Variants in TNRC18 observed in about 807,000 individuals in gnomAD.
The protein encoded by TNRC18 is trinucleotide repeat containing 18, also known as trinucleotide repeat-containing gene 18 protein.
TNRC18 carries 69 observed loss-of-function variants against 226.7 expected under a neutral mutation model. The observed-to-expected ratio is 0.30, with a 90% confidence interval of 0.25 to 0.37. TNRC18 has a LOEUF of 0.37. Among genes scored for constraint, TNRC18 ranks in the 10% least tolerant of loss-of-function variants. The probability of loss-of-function intolerance (pLI) is 1.00; values close to 1 mark genes in which losing one functional copy is unlikely to be tolerated. For synonymous variants in TNRC18, 2,449 were observed against 1,927.6 expected (o/e 1.27, Z -7.09); for missense variants, 4,754 against 4,256.6 (o/e 1.12, Z -3.25).
At position 5,389,135 on chromosome 7, in the gene TNRC18, T is replaced by C; in HGVS notation, c.689A>G (p.Glu230Gly). The change falls in exon 5 of 30, where the codon GAG becomes GGG. Residue 230 changes from glutamate (E) to glycine (G), a missense_variant. Transcript: ENST00000430969. ...FGKKDPRARG[E>G]EASGPRGVVD... ...CACGCCCCGTGGCCCCGAGGCCTCCTCGCCCCGGGCGCGCGGGTCCTTCTT... is the reference window on the plus strand; with the variant it reads ...CACGCCCCGTGGCCCCGAGGCCTCCCCGCCCCGGGCGCGCGGGTCCTTCTT... 7.6e-7 allele frequency: 1 copy of C among 1,318,676 alleles called. No individual in the cohort carries two copies. The highest frequency in any genetic ancestry group is 1.7e-5 in the South Asian group (1 of 58,930). 81.7% of individuals were successfully genotyped at this position (1,318,676 alleles called of 1,614,324 possible).
chr7:5,333,500 C>G (rs1789776008), intron 18 of TNRC18, among the ~76,000 whole-genome samples: 2 of 152,194 alleles, frequency 1.3e-5, no homozygotes. Context: ...TGGGTGGTCC[C>G]AGGAATCGTC....
At position 5,361,777 on chromosome 7, in the gene TNRC18, G is replaced by A. The variant is rs1562549067; in HGVS notation, c.4533-55C>T. On this transcript the variant is annotated intron_variant, in intron 13 of 29. Transcript: ENST00000430969. Reference sequence around the variant, plus strand: ...CGCTGGGGGGCGGGCGGGGCGCGGAGAACGGGCACACGATGCACACACGGC... The same window carrying A: ...CGCTGGGGGGCGGGCGGGGCGCGGAAAACGGGCACACGATGCACACACGGC... 10 of 1,543,358 alleles carry A rather than the reference G, an allele frequency of 6.5e-6. No individual in the cohort carries two copies. The South Asian group carries it at 1.1e-4, about 17-fold the overall frequency.
At position 5,388,120 on chromosome 7, in the gene TNRC18, C is replaced by G. The variant is rs748930954; in HGVS notation, c.1704G>C (p.Pro568=). Residue 568 remains proline (P), a synonymous_variant, in exon 5 of 30, where the codon CCG becomes CCC. Transcript: ENST00000430969. ...GGGCCGCAGAGTGCATGTCAGCGAC[C>G]GGCCGGCCGCAGGTGGCCGCCGAGC... The part of the protein sequence containing the change: ...LPRSAATCGR[P]VADMHSAAHG... The G allele has an allele frequency of 2.6e-6, 4 of 1,552,716 alleles. No individual in the cohort carries two copies. In the Admixed American group the frequency reaches 7.8e-5, roughly 30 times the overall value.
intron 13 of TNRC18, 60 bp from the exon 14 acceptor site, chr7:5,361,782 G>GCACACGATGC: frequency 6.5e-7 from 1 of 1,540,146 alleles, no homozygotes; most frequent in Admixed American, 2.0e-5. Flanking sequence ...GCGGAGAACG[G>GCACACGATGC]GCACACGATG....
rs996698106 is a variant in TNRC18, at chr7:5,387,973, G to A, written c.1851C>T (p.Gly617=). ...CGKKSPFGGL[G]TMKPEPAPTS... ...TGGGCGCAGGCTCGGGTTTCATGGT[G>A]CCCAAACCTCCAAAGGGGCTCTTCT... The change falls in exon 5 of 30, where the codon GGC becomes GGT. Residue 617 remains glycine (G), a synonymous_variant. Coordinates refer to ENST00000430969, the MANE Select transcript of TNRC18 (RefSeq NM_001080495.3). The A allele has an allele frequency of 5.6e-6, 9 of 1,595,956 alleles. No homozygotes were observed. The highest frequency in any genetic ancestry group is 7.7e-6 in the Non-Finnish European group (9 of 1,172,570).
At position 5,417,850 on chromosome 7, in the gene TNRC18, T is replaced by TTC. The variant is rs1356684014; in HGVS notation, c.187+3209_187+3210insGA. Among the ~76,000 whole-genome samples the TTC allele has an allele frequency of 3.9e-5, 6 of 152,290 alleles. No homozygotes were observed. The East Asian group carries it at 1.2e-3, about 29-fold the overall frequency. ...TCACTCTGCCAGCGGTCTTCACTGA[T>TTC]TAATCTTTCTAAATCAATCCCAGTA... On this transcript the variant is annotated intron_variant, in intron 2 of 29. Coordinates refer to ENST00000430969, the MANE Select transcript of TNRC18 (RefSeq NM_001080495.3).
Position 5,377,336 on chromosome 7 carries a change from C to CCCGGG in TNRC18, c.2461+34_2461+35insCCCGG. The CCCGGG allele has an allele frequency of 8.6e-7, 1 of 1,156,912 alleles. No individual in the cohort carries two copies. Among genetic ancestry groups the CCCGGG allele is most frequent in the Non-Finnish European group, 1.2e-6 (1 of 824,278 alleles). The allele number at this position is 1,156,912 out of a possible 1,614,324, so 71.7% of individuals were successfully genotyped here. A position where few individuals can be genotyped will look rare whatever the true frequency, so the allele number is the denominator to read the frequency against. Reference sequence around the variant, plus strand: ...CACCCGCCCCCTCCCACCCCTCCCTCAGAGAAGGGGAGAGACCCTGTGCCC... The same window carrying CCCGGG: ...CACCCGCCCCCTCCCACCCCTCCCTCCCGGGAGAGAAGGGGAGAGACCCTGTGCCC... On this transcript the variant is annotated intron_variant, in intron 7 of 29. Transcript: ENST00000430969. The surrounding 1 kb of genome is among the most constrained non-coding windows in gnomAD (Gnocchi z 5.8).
In TNRC18 at chr7:5,344,695, G is replaced by C. The variant is rs747959615; in HGVS notation, c.5719+867C>G. Among the ~76,000 whole-genome samples the C allele has an allele frequency of 1.2e-3, 180 of 152,148 alleles. 1 individual carries two copies. The highest frequency in any genetic ancestry group is 2.6e-3 in the Admixed American group (40 of 15,280). On this transcript the variant is annotated intron_variant, in intron 18 of 29. Transcript: ENST00000430969. ...TGGCTCAGAAAAGGATGCCGGGGGG[G>C]TCAGAAGGACCCTCCCCTGCTGGGG...
chr7:5,325,417 G>GT (rs1583777417), intron 19 of TNRC18, 169 bp from the exon 20 acceptor site: 3 of 736,076 alleles, frequency 4.1e-6, no homozygotes, highest in East Asian at 3.2e-5. Context: ...TTTGGTTTTG[G>GT]GTTTTTTTTT....
chr7:5,393,815 G>A (rs1430783825), intron 3 of TNRC18, among the ~76,000 whole-genome samples: 3 of 152,124 alleles, frequency 2.0e-5, no homozygotes, highest in African/African-American at 4.8e-5. Context: ...CCTACATTGA[G>A]GGGCATGGCT....
chr7:5,307,512 A>G lies in TNRC18; in HGVS notation c.*594T>C. ...GCCCTCTCCACCTGGTGCCTTTGAC[A>G]GACACTCCGGGCTGCAACCCCACCC... On this transcript the variant is annotated 3_prime_UTR_variant, in exon 30 of 30. Coordinates refer to ENST00000430969, the MANE Select transcript of TNRC18 (RefSeq NM_001080495.3). The G allele has an allele frequency of 2.2e-6, 1 of 446,964 alleles. No individual in the cohort carries two copies. Among genetic ancestry groups the G allele is most frequent in the Non-Finnish European group, 4.5e-6 (1 of 222,632 alleles). 27.7% of individuals were successfully genotyped at this position (446,964 alleles called of 1,614,324 possible).
At chr7:5,347,431 C>G (rs111777009) in intron 17 of TNRC18, among the ~76,000 whole-genome samples, 20,996 of 150,298 alleles carry the variant, frequency 0.14, 1,825 homozygotes, top group Middle Eastern at 0.22. Context: ...CTCCTGACCT[C>G]ATGATCTGCC....
intron 18 of TNRC18, among the ~76,000 whole-genome samples, chr7:5,338,373 G>A (rs1251299679): frequency 6.6e-6 from 1 of 152,128 alleles, no homozygotes; most frequent in Non-Finnish European, 1.5e-5. Flanking sequence ...CAAGAGAGCT[G>A]GCGTGGCTAT....
At chr7:5,326,308 C>T (rs756902753) in intron 19 of TNRC18, among the ~76,000 whole-genome samples, 18 of 152,138 alleles carry the variant, frequency 1.2e-4, no homozygotes, top group Admixed American at 2.6e-4. Flanking sequence ...TTCCCCTCAA[C>T]ATGACTGATA....
At chr7:5,400,999 G>C (rs947426114) in intron 2 of TNRC18, among the ~76,000 whole-genome samples, 4 of 152,170 alleles carry the variant, frequency 2.6e-5, no homozygotes, top group African/African-American at 9.6e-5. Flanking sequence ...CTGAGATTTC[G>C]TGCAGCCTGG....
At chr7:5,375,719 T>C (rs1297569995) in intron 9 of TNRC18, among the ~76,000 whole-genome samples, 1 of 152,084 alleles carries the variant, frequency 6.6e-6, no homozygotes, top group Admixed American at 6.5e-5. Flanking sequence ...CCCACTGGAC[T>C]CCTTCAGTGT....
Position 5,332,785 on chromosome 7 carries a change from G to C in TNRC18, c.5984C>G (p.Thr1995Arg). 3 of 1,513,856 alleles carry C rather than the reference G, an allele frequency of 2.0e-6. No homozygotes were observed. The highest frequency in any genetic ancestry group is 2.6e-6 in the Non-Finnish European group (3 of 1,138,354). The allele number at this position is 1,513,856 out of a possible 1,614,324, so 93.8% of individuals were successfully genotyped here. A position where few individuals can be genotyped will look rare whatever the true frequency, so the allele number is the denominator to read the frequency against. Residue 1995 changes from threonine (T) to arginine (R), a missense_variant, in exon 19 of 30, where the codon ACG (threonine) becomes AGG (arginine). Physicochemically the swap from Thr to Arg is moderately conservative, Grantham distance 71 (BLOSUM62 -1). Coordinates refer to ENST00000430969, the MANE Select transcript of TNRC18 (RefSeq NM_001080495.3). ...GAAGATGCGCTCGCTGCGGCGCCGC[G>C]TCCACAGGTCGTCGTCGCTGGCCTC... is the stretch of plus-strand genomic sequence containing the variant. ...GPEASDDDLW[T>R]RRRSERIFLH...
chr7:5,362,365 C>A (rs983058448), intron 12 of TNRC18, among the ~76,000 whole-genome samples: 1 of 152,172 alleles, frequency 6.6e-6, no homozygotes, highest in Admixed American at 6.5e-5. Flanking sequence ...CCCGTGGGCA[C>A]CTAAGGCCAG....
intron 2 of TNRC18, among the ~76,000 whole-genome samples, chr7:5,412,175 C>T (rs1373927819): frequency 2.8e-5 from 4 of 142,668 alleles, no homozygotes; most frequent in South Asian, 2.2e-4. Context: ...CGTAACAGAG[C>T]GAGACCCAGC....
Sources: gnomAD v4.1 joint callset for allele counts (sites outside exome capture counted in the v4.1 genomes callset) on GRCh38, gnomAD v4.1.1 for gene constraint, Gnocchi (gnomAD v3.1) non-coding constraint, MANE v1.5 for transcripts, NCBI Gene and HGNC (gene_info 2026-07-23, HGNC 2026-07-21) for gene names.